TANC2: variants seen among roughly 807,000 people sequenced by gnomAD.
The protein encoded by TANC2 is protein TANC2.
TANC2 carries 26 observed loss-of-function variants against 210.5 expected under a neutral mutation model. That is an observed-to-expected ratio of 0.12 (90% CI 0.09 to 0.17). The LOEUF is 0.17. TANC2 is among the 10% of genes least tolerant of loss of function. The probability of loss-of-function intolerance (pLI) is 1.00; values close to 1 mark genes in which losing one functional copy is unlikely to be tolerated. For missense variants in TANC2, 2,129 were observed against 2,608.9 expected (o/e 0.82, Z 4.01); for synonymous variants, 931 against 967.1 (o/e 0.96, Z 0.69).
At chr17:63,184,823 T>C (rs562260167) in intron 5 of TANC2, among the ~76,000 whole-genome samples, 4 of 151,696 alleles carry the variant, frequency 2.6e-5, no homozygotes, top group Non-Finnish European at 5.9e-5. Context: ...CCGGCTAAAT[T>C]TTTTTGTATT....
At chr17:63,383,007 A>G (rs1158218622) in intron 15 of TANC2, among the ~76,000 whole-genome samples, 9 of 152,206 alleles carry the variant, frequency 5.9e-5, no homozygotes. Context: ...CCCAGAGATT[A>G]TGAGTCATTG....
At chr17:63,196,891 GAA>G (rs750604392) in intron 6 of TANC2, among the ~76,000 whole-genome samples, 7 of 152,120 alleles carry the variant, frequency 4.6e-5, no homozygotes, top group Non-Finnish European at 1.0e-4. Flanking sequence ...ATAAGATATG[GAA>G]ACACACTGCC....
At chr17:63,274,812 A>T (rs535808799) in intron 9 of TANC2, among the ~76,000 whole-genome samples, 15 of 152,206 alleles carry the variant, frequency 9.9e-5, no homozygotes, top group African/African-American at 3.6e-4. Flanking sequence ...TCTCAAAAAA[A>T]TTGTTTTAAT....
chr17:62,972,853 T>A (rs1349176767), intron 1 of TANC2, among the ~76,000 whole-genome samples: 1 of 152,140 alleles, frequency 6.6e-6, no homozygotes. Flanking sequence ...AAGTTCTTTT[T>A]TTCATGGACT....
At chr17:63,155,999 T>G (rs572539062) in intron 5 of TANC2, among the ~76,000 whole-genome samples, 2 of 152,298 alleles carry the variant, frequency 1.3e-5, no homozygotes, top group South Asian at 4.1e-4. Flanking sequence ...GGATGATATT[T>G]TTTTCATTTT....
chr17:63,363,914 A>C (rs188433854), intron 14 of TANC2, among the ~76,000 whole-genome samples: 1 of 152,232 alleles, frequency 6.6e-6, no homozygotes, highest in Non-Finnish European at 1.5e-5. Context: ...GAGTCTAGAC[A>C]TTCTTCACTT....
chr17:63,270,197 A>G (rs938002336), intron 9 of TANC2, among the ~76,000 whole-genome samples: 1 of 152,148 alleles, frequency 6.6e-6, no homozygotes, highest in Non-Finnish European at 1.5e-5. Flanking sequence ...GTCCCTGAAC[A>G]ATAATCCTCT....
chr17:63,388,604 A>G, intron 15 of TANC2, 31 bp from the exon 16 acceptor site: 1 of 1,577,452 alleles, frequency 6.3e-7, no homozygotes, highest in South Asian at 1.2e-5. Context: ...TTGCTGGGCT[A>G]CTAATTTAAT....
chr17:63,054,518 T>A (rs2035697704), intron 2 of TANC2, among the ~76,000 whole-genome samples: 1 of 151,732 alleles, frequency 6.6e-6, no homozygotes, highest in South Asian at 2.1e-4. Flanking sequence ...ATTACAGGCA[T>A]GTGCCACCAT....
intron 8 of TANC2, among the ~76,000 whole-genome samples, chr17:63,246,243 C>CTT (rs141334352): frequency 0.23 from 33,607 of 148,030 alleles, 3,851 homozygotes; most frequent in South Asian, 0.31. Flanking sequence ...CTGGCCAGAA[C>CTT]TTTTTTTTTT....
At chr17:63,179,007 GCAT>G (rs556898006) in intron 5 of TANC2, among the ~76,000 whole-genome samples, 209 of 152,238 alleles carry the variant, frequency 1.4e-3, no homozygotes, top group African/African-American at 4.7e-3. Context: ...TGGAGAATTG[GCAT>G]CATCAAGAAA....
chr17:63,302,350 G>A (rs552611937), intron 9 of TANC2, among the ~76,000 whole-genome samples: 32 of 152,104 alleles, frequency 2.1e-4, no homozygotes, highest in African/African-American at 7.2e-4. Flanking sequence ...TTTCTGTCTC[G>A]TTGGTCTGTC....
intron 3 of TANC2, among the ~76,000 whole-genome samples, chr17:63,089,940 G>A (rs564901044): frequency 6.6e-6 from 1 of 152,084 alleles, no homozygotes; most frequent in African/African-American, 2.4e-5. Flanking sequence ...TAAAAGTCAG[G>A]TTTATTTAAT....
intron 4 of TANC2, among the ~76,000 whole-genome samples, chr17:63,111,438 C>T (rs953198271): frequency 6.6e-6 from 1 of 152,178 alleles, no homozygotes; most frequent in Non-Finnish European, 1.5e-5. Context: ...CAGATCTGTC[C>T]TGTCCTTGTC....
chr17:63,083,977 T>A (rs764121027), intron 3 of TANC2, among the ~76,000 whole-genome samples: 14 of 152,204 alleles, frequency 9.2e-5, no homozygotes, highest in Admixed American at 2.0e-4. Context: ...GTTTTCATAT[T>A]AGGATAATGC....
chr17:63,238,095 T>C lies in TANC2; in HGVS notation c.1033+18T>C. The C allele has an allele frequency of 6.6e-7, 1 of 1,521,492 alleles. No homozygotes were observed. The highest frequency in any genetic ancestry group is 8.8e-7 in the Non-Finnish European group (1 of 1,134,676). The allele number at this position is 1,521,492 out of a possible 1,614,324, so 94.2% of individuals were successfully genotyped here. A position where few individuals can be genotyped will look rare whatever the true frequency, so the allele number is the denominator to read the frequency against. On this transcript the variant is annotated intron_variant, in intron 8 of 27. Transcript: ENST00000689528. ...AGTAGCAGGTAAGTTTTTGTTGTTG[T>C]TGTTGTTGTTGCTGTTGTTAAATAA... is the stretch of plus-strand genomic sequence containing the variant.
At chr17:63,337,428 A>G (rs1439432410) in intron 11 of TANC2, among the ~76,000 whole-genome samples, 1 of 151,924 alleles carries the variant, frequency 6.6e-6, no homozygotes, top group East Asian at 1.9e-4. Context: ...GAACTCTATT[A>G]ATTCTAATAG....
At chr17:63,369,246 T>C (rs1229189174) in intron 14 of TANC2, among the ~76,000 whole-genome samples, 1 of 152,202 alleles carries the variant, frequency 6.6e-6, no homozygotes, top group Non-Finnish European at 1.5e-5. Flanking sequence ...CAAAGACCCC[T>C]GGTAACACAA....
intron 14 of TANC2, among the ~76,000 whole-genome samples, chr17:63,356,588 A>G (rs1421097091): frequency 6.6e-6 from 1 of 152,214 alleles, no homozygotes; most frequent in Non-Finnish European, 1.5e-5. Flanking sequence ...CCAGATTATG[A>G]TGAAGATATT....
Sources: allele counts gnomAD v4.1 joint callset (sites outside exome capture counted in the v4.1 genomes callset), GRCh38; gene constraint gnomAD v4.1.1; transcripts MANE v1.5; gene names NCBI Gene and HGNC (gene_info 2026-07-23, HGNC 2026-07-21).